Variants in DOCK8 observed in about 807,000 individuals in gnomAD.
DOCK8 encodes dedicator of cytokinesis protein 8.
Under a neutral mutation model 245.6 loss-of-function variants are expected in DOCK8, and 141 were observed. The ratio of observed to expected loss-of-function variants is 0.57; its 90% CI spans 0.50 to 0.66. DOCK8 has a LOEUF of 0.66. Among genes scored for constraint, DOCK8 ranks in the 30% least tolerant of loss-of-function variants. The probability of loss-of-function intolerance (pLI) is 0.00; values close to 1 mark genes in which losing one functional copy is unlikely to be tolerated. For missense variants in DOCK8, 2,965 were observed against 2,603.4 expected (o/e 1.14, Z -3.02); for synonymous variants, 1,168 against 970.2 (o/e 1.20, Z -3.79).
At chr9:426,765 G>A (rs2056518117) in intron 33 of DOCK8, 120 bp from the exon 34 acceptor site, 2 of 803,178 alleles carry the variant, frequency 2.5e-6, no homozygotes, top group Admixed American at 2.0e-5. Context: ...CAGTTGCTCT[G>A]TTTTCATTTC....
In DOCK8 at chr9:463,431, G is replaced by A. The variant is rs566374355; in HGVS notation, c.6069-86G>A. 9.0e-6 allele frequency: 14 copies of A among 1,550,390 alleles called. 1 individual carries two copies. In the East Asian group the frequency reaches 1.1e-4, roughly 12 times the overall value. ...TTTGAAAACGTTCTTAAAGTTATTC[G>A]AAAAATCGTAAGTAATTTCATTGTT... is the stretch of plus-strand genomic sequence containing the variant. On this transcript the variant is annotated intron_variant, in intron 46 of 47. Transcript: ENST00000432829.
chr9:387,204 G>T (rs947911391), intron 23 of DOCK8, among the ~76,000 whole-genome samples: 5 of 152,182 alleles, frequency 3.3e-5, no homozygotes, highest in African/African-American at 1.2e-4. Context: ...AGCACTTTCG[G>T]AGGCCGAGGT....
At chr9:360,131 C>T (rs1401971512) in intron 14 of DOCK8, among the ~76,000 whole-genome samples, 1 of 151,976 alleles carries the variant, frequency 6.6e-6, no homozygotes, top group Admixed American at 6.6e-5. Context: ...GCCTGGCCAA[C>T]ATGGTGAAAC....
chr9:334,508 A>G, intron 11 of DOCK8, 124 bp downstream of exon 11: 1 of 1,027,026 alleles, frequency 9.7e-7, no homozygotes, highest in Non-Finnish European at 1.4e-6. Flanking sequence ...GAAGGAGATA[A>G]ATAGAATGAA....
chr9:239,672 C>A (rs571558839), intron 1 of DOCK8, among the ~76,000 whole-genome samples: 3 of 152,200 alleles, frequency 2.0e-5, no homozygotes, highest in South Asian at 2.1e-4. Flanking sequence ...TGCAGGTAAG[C>A]AAATACTTTA....
chr9:442,815 A>C (rs1587066522), intron 42 of DOCK8, among the ~76,000 whole-genome samples: 1 of 151,340 alleles, frequency 6.6e-6, no homozygotes, highest in East Asian at 1.9e-4. Flanking sequence ...CATTGCTTTG[A>C]ATTTGTGCCC....
chr9:360,381 C>T (rs749724276), intron 14 of DOCK8, among the ~76,000 whole-genome samples: 1 of 151,786 alleles, frequency 6.6e-6, no homozygotes, highest in Non-Finnish European at 1.5e-5. Context: ...TTATACCCTT[C>T]CCCGAATATC....
intron 14 of DOCK8, among the ~76,000 whole-genome samples, chr9:362,167 G>A (rs2052761220): frequency 6.6e-6 from 1 of 152,142 alleles, no homozygotes; most frequent in Non-Finnish European, 1.5e-5. Flanking sequence ...GCAGATGTGG[G>A]TATCAGTGAC....
intron 46 of DOCK8, among the ~76,000 whole-genome samples, chr9:457,542 A>G (rs1252881674): frequency 1.3e-5 from 2 of 152,322 alleles, no homozygotes; most frequent in South Asian, 2.1e-4. Context: ...GTCTGTCTCT[A>G]TAAAGTTTGA....
intron 4 of DOCK8, among the ~76,000 whole-genome samples, chr9:293,045 A>C (rs2049109653): frequency 6.6e-6 from 1 of 152,222 alleles, no homozygotes; most frequent in Non-Finnish European, 1.5e-5. Context: ...GTTTGGCAAC[A>C]TTCTAGGGAT....
chr9:265,057 G>A (rs555775396), intron 1 of DOCK8, among the ~76,000 whole-genome samples: 4 of 152,126 alleles, frequency 2.6e-5, no homozygotes, highest in Non-Finnish European at 4.4e-5. Context: ...TCAACCTCCC[G>A]AGTAGCTGGG....
At chr9:448,539 A>G (rs577114301) in intron 44 of DOCK8, among the ~76,000 whole-genome samples, 1 of 152,190 alleles carries the variant, frequency 6.6e-6, no homozygotes, top group Non-Finnish European at 1.5e-5. Flanking sequence ...GCACAATTCT[A>G]GAGGCTAGAA....
In DOCK8 at chr9:403,757, C is replaced by T. The variant is rs370163341; in HGVS notation, c.3235-1161C>T. On this transcript the variant is annotated intron_variant, in intron 26 of 47. Coordinates refer to ENST00000432829, the MANE Select transcript of DOCK8 (RefSeq NM_203447.4). ...ATGTGCACCTGTAATCCCAGCTACT[C>T]GGGAGGCTGAGGCAAGAGAATCGCT... 3.3e-5 allele frequency among the ~76,000 whole-genome samples: 5 copies of T among 150,850 alleles called. No individual in the cohort carries two copies. In the South Asian group the frequency reaches 6.3e-4, roughly 19 times the overall value.
intron 20 of DOCK8, among the ~76,000 whole-genome samples, chr9:378,937 C>T (rs992270981): frequency 2.0e-5 from 3 of 152,322 alleles, no homozygotes; most frequent in Admixed American, 2.0e-4. Context: ...AACTCAGTTT[C>T]ACTTGAGCCC....
chr9:365,101 A>G (rs1428928122), intron 14 of DOCK8, among the ~76,000 whole-genome samples: 1 of 152,254 alleles, frequency 6.6e-6, no homozygotes, highest in Non-Finnish European at 1.5e-5. Context: ...TGCCAAGGGC[A>G]AGGTCATGTA....
Position 347,523 on chromosome 9 carries a change from C to G in DOCK8, c.1679+7202C>G, listed in dbSNP as rs146971377. Among the ~76,000 whole-genome samples the G allele has an allele frequency of 2.3e-3, 349 of 152,238 alleles. 5 individuals carry two copies. Among genetic ancestry groups the G allele is most frequent in the African/African-American group, 8.1e-3 (335 of 41,542 alleles). ...TCTTTCAAAAAACAAAAACAAAAAA[C>G]TCTGTCCTAAGTATCAGATGATGCG... On this transcript the variant is annotated intron_variant, in intron 14 of 47. Transcript: ENST00000432829.
intron 2 of DOCK8, chr9:280,944 A>C (rs1178649641): frequency 6.6e-6 from 1 of 152,274 alleles, no homozygotes; most frequent in Non-Finnish European, 1.5e-5. Context: ...TTGCAGTCTT[A>C]AGTATTTTTG....
intron 44 of DOCK8, among the ~76,000 whole-genome samples, 190 bp downstream of exon 44, chr9:446,796 G>A (rs2057277183): frequency 6.6e-6 from 1 of 152,006 alleles, no homozygotes; most frequent in Non-Finnish European, 1.5e-5. Context: ...ATATTTTATA[G>A]CACTATTGTA....
rs2051050651 is a variant in DOCK8 at position 332,324 on chromosome 9, T to C, written c.1045-74T>C. On this transcript the variant is annotated intron_variant, in intron 9 of 47. Coordinates refer to ENST00000432829, the MANE Select transcript of DOCK8 (RefSeq NM_203447.4). ...CATCAAATATTGTCATAAAATGTAA[T>C]TTTGATGGTTGCATAGATTCCTTTT... 7 of 1,020,506 alleles carry C rather than the reference T, an allele frequency of 6.9e-6. No individual in the cohort carries two copies. The South Asian group carries it at 9.3e-5, about 14-fold the overall frequency. The allele number at this position is 1,020,506 out of a possible 1,614,324, so 63.2% of individuals were successfully genotyped here.
Sources: gnomAD v4.1 joint callset for allele counts (sites outside exome capture counted in the v4.1 genomes callset) on GRCh38, gnomAD v4.1.1 for gene constraint, MANE v1.5 for transcripts, NCBI Gene and HGNC (gene_info 2026-07-23, HGNC 2026-07-21) for gene names.